KIF15: variants seen among roughly 807,000 people sequenced by gnomAD.
The protein encoded by KIF15 is kinesin family member 15.
KIF15 carries 140 observed loss-of-function variants against 190.6 expected under a neutral mutation model. That is an observed-to-expected ratio of 0.73 (90% CI 0.64 to 0.84). The LOEUF (loss-of-function observed/expected upper bound fraction) is 0.84. KIF15 is among the 40% of genes least tolerant of loss of function. KIF15 has a pLI of 0.00. For missense variants in KIF15, 1,372 were observed against 1,584.4 expected (o/e 0.87, Z 2.28); for synonymous variants, 528 against 551.3 (o/e 0.96, Z 0.59).
At chr3:44,812,854 G>A (rs954670936) in intron 18 of KIF15, among the ~76,000 whole-genome samples, 3 of 152,122 alleles carry the variant, frequency 2.0e-5, no homozygotes, top group South Asian at 2.1e-4. Context: ...ACGTGGTGGC[G>A]TGGGTCTGTA....
intron 4 of KIF15, among the ~76,000 whole-genome samples, chr3:44,779,617 G>A (rs1443769250): frequency 2.6e-5 from 4 of 151,922 alleles, no homozygotes; most frequent in Admixed American, 6.6e-5. Flanking sequence ...CGTGGATCAC[G>A]AGGTCAGGAG....
intron 14 of KIF15, 41 bp from the exon 15 acceptor site, chr3:44,804,986 A>G (rs1179277634): frequency 1.8e-5 from 4 of 220,988 alleles, no homozygotes; most frequent in Admixed American, 6.4e-5. Flanking sequence ...CCTGTCTCAG[A>G]AAAAAAAAAA....
In KIF15 at chr3:44,767,894, CA is replaced by C. The variant is rs1181321859; in HGVS notation, c.19+6031del. 6.2e-3 allele frequency among the ~76,000 whole-genome samples: 231 copies of C among 37,134 alleles called. 1 individual carries two copies. Among genetic ancestry groups the C allele is most frequent in the East Asian group, 0.047 (57 of 1,204 alleles). 24.4% of individuals were successfully genotyped at this position (37,134 alleles called of 152,430 possible). ...TGGGCAACAGAGCGAGACTCCATCT[CA>C]AAAAAAAAAAAAAAAAAAAAGGAGT... is the stretch of plus-strand genomic sequence containing the variant. On this transcript the variant is annotated intron_variant, in intron 1 of 34. Transcript: ENST00000326047.
At position 44,797,655 on chromosome 3, in the gene KIF15, C is replaced by CA. The variant is rs1422133527; in HGVS notation, c.957dup (p.Leu320ThrfsTer12). On this transcript the variant is annotated frameshift_variant, in exon 9 of 35. Transcript: ENST00000326047. LOFTEE classifies it high-confidence loss of function. ...AGAGACATGTTTGCTACAGAGACTC[C>CA]AAACTTACCTTCTTACTACGGGTAA... is the stretch of plus-strand genomic sequence containing the variant. The CA allele has an allele frequency of 6.2e-7, 1 of 1,614,090 alleles. No individual in the cohort carries two copies. The highest frequency in any genetic ancestry group is 1.7e-5 in the Admixed American group (1 of 59,992).
intron 22 of KIF15, chr3:44,827,074 C>T (rs1697702202): frequency 4.4e-6 from 2 of 456,038 alleles, no homozygotes; most frequent in Non-Finnish European, 8.8e-6. Context: ...TTTATTCAAA[C>T]ATTTATTGAT....
At chr3:44,820,639 A>G (rs956700596) in intron 20 of KIF15, among the ~76,000 whole-genome samples, 1 of 152,128 alleles carries the variant, frequency 6.6e-6, no homozygotes, top group African/African-American at 2.4e-5. Context: ...TGGACACAGC[A>G]CATGTTTCAG....
At chr3:44,827,408 C>G in intron 22 of KIF15, 51 bp from the exon 23 acceptor site, 1 of 1,287,210 alleles carries the variant, frequency 7.8e-7, no homozygotes. Flanking sequence ...AGATTCAGTT[C>G]CTGTTTTCAT....
chr3:44,856,926 A>C (rs1227228623), downstream of KIF15, among the ~76,000 whole-genome samples: 2 of 152,184 alleles, frequency 1.3e-5, no homozygotes, highest in African/African-American at 4.8e-5. Context: ...GAGTTAAGGC[A>C]GTGAGTTCGG....
chr3:44,831,081 G>C lies in KIF15; in HGVS notation c.3171+63G>C, dbSNP rs1044343397. ...ATTACTTGTCAATATGTGTATTTGT[G>C]TGTGGAAGTTATTAATGAATAAATA... On this transcript the variant is annotated intron_variant, in intron 26 of 34. Transcript: ENST00000326047. 2.0e-6 allele frequency: 3 copies of C among 1,521,186 alleles called. No homozygotes were observed. In the African/African-American group the frequency reaches 4.2e-5, roughly 21 times the overall value. 94.2% of individuals were successfully genotyped at this position (1,521,186 alleles called of 1,614,324 possible). A position where few individuals can be genotyped will look rare whatever the true frequency, so the allele number is the denominator to read the frequency against.
intron 12 of KIF15, 51 bp downstream of exon 12, chr3:44,801,577 C>T (rs368309469): frequency 1.6e-5 from 20 of 1,258,038 alleles, no homozygotes; most frequent in Non-Finnish European, 2.1e-5. Context: ...TAGTTTTTTG[C>T]TGTGTGGTTT....
chr3:44,764,198 C>T (rs1705288718), intron 1 of KIF15, among the ~76,000 whole-genome samples: 1 of 152,118 alleles, frequency 6.6e-6, no homozygotes, highest in South Asian at 2.1e-4. Flanking sequence ...CTAATGTAAC[C>T]ACCATCCAGA....
chr3:44,821,122 C>T (rs1401876858), intron 20 of KIF15, among the ~76,000 whole-genome samples: 9 of 144,870 alleles, frequency 6.2e-5, no homozygotes, highest in East Asian at 4.2e-4. Context: ...GCTGGCCGGG[C>T]GGGGGGCTGA....
chr3:44,788,656 A>G (rs530985667), intron 7 of KIF15, among the ~76,000 whole-genome samples: 1 of 152,162 alleles, frequency 6.6e-6, no homozygotes, highest in South Asian at 2.1e-4. Flanking sequence ...AGGTTTAGCC[A>G]TGTTGTCCAG....
In KIF15 at chr3:44,851,968, G is replaced by C. The variant is rs773132341; in HGVS notation, c.3972+16G>C. 1 of 1,605,236 alleles carries C rather than the reference G, an allele frequency of 6.2e-7. No individual in the cohort carries two copies. The highest frequency in any genetic ancestry group is 1.7e-5 in the Admixed American group (1 of 58,284). ...AACATCCCAGGTGTGCTAGTGTGTTGGTGTTTTCATGATACTTAGAACACT... is the reference window on the plus strand; with the variant it reads ...AACATCCCAGGTGTGCTAGTGTGTTCGTGTTTTCATGATACTTAGAACACT... On this transcript the variant is annotated intron_variant, in intron 33 of 34. Transcript: ENST00000326047.
At chr3:44,782,282 G>A (rs1706207878) in intron 5 of KIF15, among the ~76,000 whole-genome samples, 1 of 152,064 alleles carries the variant, frequency 6.6e-6, no homozygotes, top group South Asian at 2.1e-4. Flanking sequence ...GGCTGGTCTC[G>A]AACTCCCGAC....
At chr3:44,844,948 A>C (rs905353902) in intron 30 of KIF15, among the ~76,000 whole-genome samples, 1 of 152,208 alleles carries the variant, frequency 6.6e-6, no homozygotes, top group East Asian at 1.9e-4. Flanking sequence ...GTGCCTGGTT[A>C]ACTGTAAAAA....
At chr3:44,783,049 G>A (rs1185386482) in intron 5 of KIF15, among the ~76,000 whole-genome samples, 2 of 152,190 alleles carry the variant, frequency 1.3e-5, no homozygotes, top group South Asian at 4.1e-4. Flanking sequence ...GCAGCTAAAT[G>A]GAATAAAGAC....
chr3:44,795,117 C>T (rs1706913274), intron 8 of KIF15, among the ~76,000 whole-genome samples: 1 of 152,082 alleles, frequency 6.6e-6, no homozygotes, highest in Non-Finnish European at 1.5e-5. Context: ...GCAAGTCTGT[C>T]AGTAGCAAAA....
chr3:44,866,294 G>A (rs1433403356), intron 6 of KIF15, among the ~76,000 whole-genome samples: 2 of 151,916 alleles, frequency 1.3e-5, no homozygotes, highest in East Asian at 1.9e-4. Flanking sequence ...GGATAGTCTC[G>A]ATCTCCTGAC....
Sources: gnomAD v4.1 joint callset for allele counts (sites outside exome capture counted in the v4.1 genomes callset) on GRCh38, gnomAD v4.1.1 for gene constraint, MANE v1.5 for transcripts, NCBI Gene and HGNC (gene_info 2026-07-23, HGNC 2026-07-21) for gene names.